Variants in ZFPM2 observed in about 807,000 individuals in gnomAD.
ZFPM2 encodes the protein zinc finger protein, FOG family member 2.
In ZFPM2, 20 loss-of-function variants were observed where a neutral mutation model predicts 98.6. The observed-to-expected ratio is 0.20, with a 90% CI of 0.14 to 0.29. ZFPM2 has a LOEUF of 0.29. Ranked by LOEUF, ZFPM2 falls within the 10% of genes least tolerant of loss-of-function variation. The pLI is 1.00. For synonymous variants in ZFPM2, 518 were observed against 502.7 expected (o/e 1.03, Z -0.41); for missense variants, 1,310 against 1,388.6 (o/e 0.94, Z 0.90).
At chr8:105,390,880 G>T (rs1294818800) in intron 1 of ZFPM2, among the ~76,000 whole-genome samples, 1 of 152,112 alleles carries the variant, frequency 6.6e-6, no homozygotes, top group African/African-American at 2.4e-5. Context: ...CTGATATGAA[G>T]GAGATAATAT....
chr8:105,478,043 C>A (rs1360662485), intron 3 of ZFPM2, among the ~76,000 whole-genome samples: 3 of 152,146 alleles, frequency 2.0e-5, no homozygotes, highest in Admixed American at 6.5e-5. Context: ...AGTCTGGGAA[C>A]ATGGAACTCT....
intron 5 of ZFPM2, among the ~76,000 whole-genome samples, chr8:105,680,488 G>A (rs1810577147): frequency 2.0e-5 from 3 of 152,212 alleles, no homozygotes; most frequent in Admixed American, 2.0e-4. Context: ...AAAGCACAGG[G>A]AATACTTTAT....
In ZFPM2 at chr8:105,653,147, GT is replaced by G. The variant is rs1337360738; in HGVS notation, c.532+18793del. On this transcript the variant is annotated intron_variant, in intron 5 of 7. Transcript: ENST00000407775. ...AAAAACGAAGTAAGTAGAAAATGTA[GT>G]TTAAGAAAGTGAACACATTACATTT... Among the ~76,000 whole-genome samples the G allele has an allele frequency of 2.0e-5, 3 of 152,256 alleles. No individual in the cohort carries two copies. The East Asian group carries it at 5.8e-4, about 29-fold the overall frequency.
chr8:105,691,839 C>T (rs576624345), intron 5 of ZFPM2, among the ~76,000 whole-genome samples: 1 of 152,246 alleles, frequency 6.6e-6, no homozygotes, highest in Admixed American at 6.5e-5. Context: ...AAACTATGCG[C>T]TCCTTTAGAG....
At chr8:105,697,734 G>A (rs2130950997) in intron 5 of ZFPM2, among the ~76,000 whole-genome samples, 1 of 152,128 alleles carries the variant, frequency 6.6e-6, no homozygotes, top group Admixed American at 6.5e-5. Flanking sequence ...TTTAAAAATT[G>A]TCTTTTTCCA....
intron 1 of ZFPM2, among the ~76,000 whole-genome samples, chr8:105,352,305 A>G (rs2099828792): frequency 6.6e-6 from 1 of 152,246 alleles, no homozygotes. Flanking sequence ...GAATTAAAAT[A>G]TCCCTGTTCT....
chr8:105,450,952 T>C (rs1812473329), intron 3 of ZFPM2, among the ~76,000 whole-genome samples: 1 of 151,776 alleles, frequency 6.6e-6, no homozygotes, highest in South Asian at 2.1e-4. Context: ...CACTCTCATA[T>C]AGAATTAGGA....
intron 4 of ZFPM2, among the ~76,000 whole-genome samples, chr8:105,587,202 G>A (rs112451216): frequency 0.17 from 24,925 of 150,326 alleles, 2,320 homozygotes; most frequent in Middle Eastern, 0.24. Context: ...GCATGAACCC[G>A]GGAGGCGGAG....
chr8:105,465,894 G>A (rs562847395), intron 3 of ZFPM2, among the ~76,000 whole-genome samples: 2 of 151,856 alleles, frequency 1.3e-5, no homozygotes, highest in East Asian at 3.9e-4. Context: ...ACTTGTTAAG[G>A]GAAAATTTGG....
chr8:105,773,570 GT>G (rs1449816415), intron 5 of ZFPM2, among the ~76,000 whole-genome samples: 1 of 151,206 alleles, frequency 6.6e-6, no homozygotes, highest in Non-Finnish European at 1.5e-5. Flanking sequence ...TATCATAAAA[GT>G]TTTAGAAATA....
At chr8:105,799,075 T>C (rs1641741918) in intron 7 of ZFPM2, 127 bp downstream of exon 7, 4 of 868,106 alleles carry the variant, frequency 4.6e-6, no homozygotes, top group African/African-American at 1.7e-5. Flanking sequence ...AATCAAACTT[T>C]CTGGGTCAAC....
intron 3 of ZFPM2, among the ~76,000 whole-genome samples, chr8:105,504,479 A>G (rs1813656763): frequency 6.6e-6 from 1 of 152,214 alleles, no homozygotes; most frequent in African/African-American, 2.4e-5. Context: ...TGATGGCATC[A>G]GAACTTCAAC....
chr8:105,716,151 TA>T (rs1485721542), intron 5 of ZFPM2, among the ~76,000 whole-genome samples: 2 of 150,416 alleles, frequency 1.3e-5, no homozygotes, highest in Non-Finnish European at 3.0e-5. Context: ...TTTACATATA[TA>T]CATATAAAAC....
intron 4 of ZFPM2, among the ~76,000 whole-genome samples, chr8:105,564,101 T>C (rs1159680478): frequency 6.6e-6 from 1 of 152,034 alleles, no homozygotes; most frequent in African/African-American, 2.4e-5. Flanking sequence ...TTTTAGACAG[T>C]TGATGTCATT....
intron 4 of ZFPM2, among the ~76,000 whole-genome samples, chr8:105,590,465 A>C (rs533920701): frequency 6.6e-6 from 1 of 152,228 alleles, no homozygotes; most frequent in Admixed American, 6.5e-5. Flanking sequence ...AGCCACACAC[A>C]TATTAAAAAT....
intron 3 of ZFPM2, among the ~76,000 whole-genome samples, chr8:105,504,433 C>T (rs1563689293): frequency 6.6e-6 from 1 of 152,168 alleles, no homozygotes; most frequent in Non-Finnish European, 1.5e-5. Context: ...TACACTTCCT[C>T]AGTTTAAGAA....
At chr8:105,414,728 A>G (rs984144102) in intron 1 of ZFPM2, 1 of 151,782 alleles carries the variant, frequency 6.6e-6, no homozygotes, top group Non-Finnish European at 1.5e-5. Context: ...AAATTCATTT[A>G]TCTGGGGGAC....
rs542851992 is a variant in ZFPM2 at position 105,330,774 on chromosome 8, C to A, written c.40+11793C>A. Among the ~76,000 whole-genome samples the A allele has an allele frequency of 3.6e-4, 54 of 149,670 alleles. 1 individual carries two copies. Among genetic ancestry groups the A allele is most frequent in the African/African-American group, 1.3e-3 (54 of 40,986 alleles). On this transcript the variant is annotated intron_variant, in intron 1 of 7. Coordinates refer to ENST00000407775, the MANE Select transcript of ZFPM2 (RefSeq NM_012082.4). Reference sequence around the variant, plus strand: ...TGATGGTTACATTGCTGATGGGAGTCTGGTAATATTATTTATTGATGGTAG... The same window carrying A: ...TGATGGTTACATTGCTGATGGGAGTATGGTAATATTATTTATTGATGGTAG...
chr8:105,793,417 A>G (rs1358281363), intron 6 of ZFPM2, among the ~76,000 whole-genome samples: 1 of 151,172 alleles, frequency 6.6e-6, no homozygotes, highest in African/African-American at 2.4e-5. Flanking sequence ...ATTGGCTCCC[A>G]CTCTCTTCTG....
Sources: gnomAD v4.1 joint callset for allele counts (sites outside exome capture counted in the v4.1 genomes callset) on GRCh38, gnomAD v4.1.1 for gene constraint, MANE v1.5 for transcripts, NCBI Gene and HGNC (gene_info 2026-07-23, HGNC 2026-07-21) for gene names.